CLASP2: variants seen among roughly 807,000 people sequenced by gnomAD.
CLASP2 encodes CLIP-associating protein 2.
A neutral mutation model predicts 194.4 loss-of-function variants in CLASP2; 47 were observed. That is an observed-to-expected ratio of 0.24 (90% CI 0.19 to 0.31). The LOEUF (loss-of-function observed/expected upper bound fraction) is 0.31. CLASP2 is among the 10% of genes least tolerant of loss of function. The pLI is 1.00. For synonymous variants in CLASP2, 619 were observed against 633.5 expected, an observed-to-expected ratio of 0.98 and a Z score of 0.34; for missense variants, 1,445 against 1,823.6, an observed-to-expected ratio of 0.79 and a Z score of 3.78.
intron 6 of CLASP2, among the ~76,000 whole-genome samples, chr3:33,677,097 C>A (rs1280167523): frequency 6.6e-6 from 1 of 151,916 alleles, no homozygotes; most frequent in Non-Finnish European, 1.5e-5. Context: ...CACTTTTACA[C>A]TGTTGGTGGG....
chr3:33,718,175 C>A lies in CLASP2; in HGVS notation c.-173G>T. The A allele has an allele frequency of 4.0e-6, 2 of 504,744 alleles. No individual in the cohort carries two copies. The highest frequency in any genetic ancestry group is 7.5e-5 in the East Asian group (2 of 26,826). The allele number at this position is 504,744 out of a possible 1,614,324, so 31.3% of individuals were successfully genotyped here. On this transcript the variant is annotated 5_prime_UTR_variant, in exon 1 of 39. Coordinates refer to ENST00000682230, the MANE Select transcript of CLASP2 (RefSeq NM_001365631.1). The stretch of plus-strand genomic sequence containing the variant: ...AGGAACGCCAAGCGCCCAGCCGCCC[C>A]CAAACTAGTCAAACTCGGCGCCCCC...
chr3:33,503,873 A>T (rs1054228165), intron 37 of CLASP2: 6 of 152,180 alleles, frequency 3.9e-5, no homozygotes, highest in African/African-American at 1.4e-4. Context: ...GATCACAACC[A>T]TCCCAGTGGG....
chr3:33,556,443 T>C (rs1168983942), intron 29 of CLASP2, among the ~76,000 whole-genome samples: 1 of 151,708 alleles, frequency 6.6e-6, no homozygotes, highest in Non-Finnish European at 1.5e-5. Context: ...TTCTTTCTTT[T>C]TTTTTTTTTT....
At chr3:33,575,565 A>T (rs1016432192) in intron 24 of CLASP2, among the ~76,000 whole-genome samples, 12 of 152,176 alleles carry the variant, frequency 7.9e-5, no homozygotes, top group African/African-American at 2.4e-5. Flanking sequence ...ATACATTTTT[A>T]AAAATGCTAC....
chr3:33,523,854 G>T (rs1234124304), intron 34 of CLASP2, among the ~76,000 whole-genome samples: 3 of 152,160 alleles, frequency 2.0e-5, no homozygotes, highest in South Asian at 2.1e-4. Flanking sequence ...CAGAGTTTTT[G>T]TATGTTATTG....
At chr3:33,650,659 T>C (rs533764099) in intron 7 of CLASP2, among the ~76,000 whole-genome samples, 3 of 149,302 alleles carry the variant, frequency 2.0e-5, no homozygotes, top group African/African-American at 7.4e-5. Context: ...AGAGATGAAA[T>C]ACAGGAAGAG....
chr3:33,524,821 T>C (rs2054067466), intron 34 of CLASP2, among the ~76,000 whole-genome samples: 2 of 152,186 alleles, frequency 1.3e-5, no homozygotes, highest in Middle Eastern at 3.4e-3. Context: ...CATCAAAATA[T>C]ATGAAGCAAA....
chr3:33,536,560 CAGG>C (rs1463241562), intron 33 of CLASP2, among the ~76,000 whole-genome samples: 2 of 152,066 alleles, frequency 1.3e-5, no homozygotes, highest in Non-Finnish European at 2.9e-5. Context: ...AGGAAACTAG[CAGG>C]AGATGAGGCC....
chr3:33,584,395 C>T (rs1308876510), intron 22 of CLASP2, among the ~76,000 whole-genome samples: 1 of 150,868 alleles, frequency 6.6e-6, no homozygotes, highest in Admixed American at 6.6e-5. Flanking sequence ...GCCTCAGCCA[C>T]CCGAGTAGCT....
intron 36 of CLASP2, among the ~76,000 whole-genome samples, chr3:33,515,145 CCAAA>C (rs2050940722): frequency 6.6e-6 from 1 of 152,008 alleles, no homozygotes; most frequent in South Asian, 2.1e-4. Flanking sequence ...GACGGATGCA[CCAAA>C]ATCTCAGAAA....
At chr3:33,574,697 C>T (rs2064464517) in intron 24 of CLASP2, among the ~76,000 whole-genome samples, 1 of 152,032 alleles carries the variant, frequency 6.6e-6, no homozygotes, top group Non-Finnish European at 1.5e-5. Flanking sequence ...AATAGTGATG[C>T]TACAAAAAAT....
At chr3:33,625,698 G>A (rs376995332) in intron 10 of CLASP2, among the ~76,000 whole-genome samples, 59 of 151,610 alleles carry the variant, frequency 3.9e-4, no homozygotes, top group Middle Eastern at 3.4e-3. Flanking sequence ...TAGAGATAGC[G>A]TTTCACTCTG....
chr3:33,599,298 A>G (rs1020759990), intron 18 of CLASP2, among the ~76,000 whole-genome samples: 8 of 151,728 alleles, frequency 5.3e-5, no homozygotes, highest in Admixed American at 1.3e-4. Flanking sequence ...TTAAATTTTT[A>G]TTTTGGTAGA....
chr3:33,644,743 T>C lies in CLASP2; in HGVS notation c.862+14A>G, dbSNP rs757938491. Reference sequence around the variant, plus strand: ...TGGAGCATGCATAACAGATTTGAAATGGATTTACATTACCTCCAACCTTAG... The same window carrying C: ...TGGAGCATGCATAACAGATTTGAAACGGATTTACATTACCTCCAACCTTAG... On this transcript the variant is annotated intron_variant, in intron 8 of 38. Transcript: ENST00000682230. 2 of 1,612,626 alleles carry C rather than the reference T, an allele frequency of 1.2e-6. No homozygotes were observed. The highest frequency in any genetic ancestry group is 2.2e-5 in the South Asian group (2 of 90,790).
intron 37 of CLASP2, chr3:33,505,593 T>C (rs2047950741): frequency 1.3e-5 from 2 of 152,138 alleles, no homozygotes; most frequent in South Asian, 2.1e-4. Flanking sequence ...TACAATAATA[T>C]ATGAAGTGAT....
rs755117690 is a variant in CLASP2 at position 33,584,912 on chromosome 3, G to A, written c.2077C>T (p.Arg693Trp). 2 of 1,609,962 alleles carry A rather than the reference G, an allele frequency of 1.2e-6. No individual in the cohort carries two copies. Among genetic ancestry groups the A allele is most frequent in the Non-Finnish European group, 1.7e-6 (2 of 1,178,482 alleles). The change falls in exon 22 of 39, where the codon CGG (arginine) becomes TGG (tryptophan). Residue 693 changes from arginine to tryptophan, a missense_variant. Physicochemically the swap from Arg to Trp is moderately radical, Grantham distance 101 (BLOSUM62 -3). This residue lies in a region of CLASP2 where 732 missense variants were observed against 987.9 expected (regional missense o/e 0.74). Transcript: ENST00000682230. Reference protein sequence around the residue: ...KMVSQSQPGSRSGSPGRVLTT... With the variant: ...KMVSQSQPGSWSGSPGRVLTT... ...AGAACTCTTCCTGGAGACCCAGACC[G>A]GCTACCAGCTGAACACCAAACACAT...
At chr3:33,548,760 T>C (rs932983784) in intron 30 of CLASP2, among the ~76,000 whole-genome samples, 7 of 148,410 alleles carry the variant, frequency 4.7e-5, no homozygotes, top group African/African-American at 1.8e-4. Flanking sequence ...TACGGTTTCA[T>C]TTCTTTTTTT....
At chr3:33,693,510 C>A (rs991498290) in intron 2 of CLASP2, among the ~76,000 whole-genome samples, 1 of 152,178 alleles carries the variant, frequency 6.6e-6, no homozygotes, top group Non-Finnish European at 1.5e-5. Flanking sequence ...AACTCTGGGA[C>A]TCTTAGTCCA....
chr3:33,681,222 A>T (rs1048564202), intron 6 of CLASP2, among the ~76,000 whole-genome samples: 1 of 152,140 alleles, frequency 6.6e-6, no homozygotes, highest in Non-Finnish European at 1.5e-5. Context: ...ATATGTTAAC[A>T]TCACTTCTTT....
Sources: gnomAD v4.1 joint callset for allele counts (sites outside exome capture counted in the v4.1 genomes callset) on GRCh38, gnomAD v4.1.1 for gene constraint, gnomAD v4.1.1 regional missense constraint, MANE v1.5 for transcripts, NCBI Gene and HGNC (gene_info 2026-07-23, HGNC 2026-07-21) for gene names.